ACOT13: variants seen among roughly 807,000 people sequenced by gnomAD.
ACOT13 encodes acyl-coenzyme A thioesterase 13.
Under a neutral mutation model 11.8 loss-of-function variants are expected in ACOT13, and 10 were observed. The ratio of observed to expected loss-of-function variants is 0.85; its 90% CI spans 0.53 to 1.44. The LOEUF is 1.44. Among genes scored for constraint, ACOT13 ranks in the 40% most tolerant of loss-of-function variants. ACOT13 has a pLI of 0.00. For synonymous variants in ACOT13, 53 were observed against 61.0 expected (o/e 0.87, Z 0.61); for missense variants, 172 against 174.1 (o/e 0.99, Z 0.07).
At chr6:24,670,369 T>C (rs908681131) in intron 1 of ACOT13, among the ~76,000 whole-genome samples, 9 of 152,208 alleles carry the variant, frequency 5.9e-5, no homozygotes, top group African/African-American at 2.2e-4. Context: ...TGATGTTCCA[T>C]GATAAACCAG....
chr6:24,685,763 C>T (rs1778619953), intron 1 of ACOT13, among the ~76,000 whole-genome samples: 1 of 152,170 alleles, frequency 6.6e-6, no homozygotes, highest in Non-Finnish European at 1.5e-5. Context: ...ACACTACTGG[C>T]ATCTAATGGA....
chr6:24,674,649 C>T (rs924920367), intron 1 of ACOT13, among the ~76,000 whole-genome samples: 5 of 152,132 alleles, frequency 3.3e-5, no homozygotes, highest in African/African-American at 1.2e-4. Flanking sequence ...CTCCTGACCT[C>T]AAGTGATCTG....
At chr6:24,685,435 C>T (rs1269682326) in intron 1 of ACOT13, among the ~76,000 whole-genome samples, 2 of 150,900 alleles carry the variant, frequency 1.3e-5, no homozygotes, top group Non-Finnish European at 2.9e-5. Context: ...CAAGCTCCGC[C>T]TCCCGGGTTC....
intron 1 of ACOT13, among the ~76,000 whole-genome samples, chr6:24,673,964 T>G (rs956728397): frequency 6.6e-6 from 1 of 152,238 alleles, no homozygotes; most frequent in Non-Finnish European, 1.5e-5. Flanking sequence ...CAAAAAAAAT[T>G]TGTTTTATAA....
intron 1 of ACOT13, among the ~76,000 whole-genome samples, chr6:24,677,834 G>T (rs750608832): frequency 1.1e-4 from 16 of 152,196 alleles, no homozygotes; most frequent in Non-Finnish European, 1.0e-4. Context: ...TAGGGTTTTG[G>T]GATGAGGATA....
chr6:24,669,810 A>C (rs905830855), intron 1 of ACOT13, among the ~76,000 whole-genome samples: 3 of 152,232 alleles, frequency 2.0e-5, no homozygotes, highest in Non-Finnish European at 2.9e-5. Context: ...TCTGAAGTCC[A>C]TACATCAGTA....
At chr6:24,693,535 CA>C (rs1778748497) in intron 1 of ACOT13, among the ~76,000 whole-genome samples, 2 of 152,144 alleles carry the variant, frequency 1.3e-5, no homozygotes, top group Admixed American at 6.5e-5. Flanking sequence ...TCTTGGTTCT[CA>C]GCTTCATAAA....
intron 2 of ACOT13, among the ~76,000 whole-genome samples, chr6:24,699,872 C>T (rs1057375469): frequency 2.6e-5 from 4 of 152,186 alleles, no homozygotes; most frequent in African/African-American, 9.7e-5. Context: ...TAGTTTTGGC[C>T]TTTCAAATAT....
intron 1 of ACOT13, among the ~76,000 whole-genome samples, chr6:24,680,531 AC>A (rs1778530168): frequency 6.6e-6 from 1 of 152,104 alleles, no homozygotes; most frequent in African/African-American, 2.4e-5. Context: ...AGGGTGCGTA[AC>A]CACCCATGGA....
Position 24,701,462 on chromosome 6 carries a change from C to T in ACOT13, c.270C>T (p.Tyr90=). 6.2e-7 allele frequency: 1 copy of T among 1,605,886 alleles called. No homozygotes were observed. Among genetic ancestry groups the T allele is most frequent in the African/African-American group, 1.3e-5 (1 of 74,702 alleles). The change falls in exon 3 of 3, where the codon TAC becomes TAT. Residue 90 remains tyrosine (Y), a synonymous_variant. Transcript: ENST00000230048. ...ACTATATTCATTTTCTTTCAAGGTA[C>T]ATGTCACCTGCAAAATTAGGAGAAG... ...PGVSVDMNIT[Y]MSPAKLGEDI...
chr6:24,682,385 T>G (rs1419503618), intron 1 of ACOT13, among the ~76,000 whole-genome samples: 1 of 152,176 alleles, frequency 6.6e-6, no homozygotes, highest in Non-Finnish European at 1.5e-5. Flanking sequence ...GTGGCAAGCC[T>G]CGTGTTCTCT....
chr6:24,698,257 T>C (rs1778831570), intron 2 of ACOT13, among the ~76,000 whole-genome samples, 190 bp downstream of exon 2: 1 of 152,224 alleles, frequency 6.6e-6, no homozygotes, highest in Admixed American at 6.5e-5. Context: ...AATTTGCAAG[T>C]ACAGTGTGTA....
chr6:24,668,573 A>G (rs760190309), intron 1 of ACOT13, among the ~76,000 whole-genome samples: 4 of 152,174 alleles, frequency 2.6e-5, no homozygotes, highest in East Asian at 1.9e-4. Flanking sequence ...TGGGGTGTGG[A>G]GCAGCAGCTC....
At chr6:24,667,606 G>A (rs1175681195) in intron 1 of ACOT13, among the ~76,000 whole-genome samples, 3 of 152,244 alleles carry the variant, frequency 2.0e-5, no homozygotes, top group African/African-American at 7.2e-5. Flanking sequence ...GGACTTTGGA[G>A]TTTGATCCTT....
intron 1 of ACOT13, among the ~76,000 whole-genome samples, chr6:24,668,039 G>A (rs896911950): frequency 6.6e-6 from 1 of 152,094 alleles, no homozygotes; most frequent in Admixed American, 6.5e-5. Context: ...CTCCCGAGTG[G>A]CTGGGATTAC....
At chr6:24,701,383 G>C in intron 2 of ACOT13, 76 bp from the exon 3 acceptor site, 5 of 1,333,950 alleles carry the variant, frequency 3.7e-6, no homozygotes, top group Non-Finnish European at 4.1e-6. Context: ...AGTTACATAG[G>C]AACACTGTTG....
intron 1 of ACOT13, among the ~76,000 whole-genome samples, chr6:24,676,649 A>G (rs1044336027): frequency 1.6e-4 from 25 of 152,170 alleles, no homozygotes; most frequent in Non-Finnish European, 2.4e-4. Context: ...TTCTAAATAT[A>G]CAATCATGTC....
chr6:24,677,327 ATAT>A (rs1778471144), intron 1 of ACOT13, among the ~76,000 whole-genome samples: 1 of 152,238 alleles, frequency 6.6e-6, no homozygotes, highest in Admixed American at 6.5e-5. Flanking sequence ...ATAGAGCCTG[ATAT>A]TTAAGTAAAC....
intron 1 of ACOT13, among the ~76,000 whole-genome samples, chr6:24,673,733 T>C (rs779532884): frequency 2.0e-5 from 3 of 152,222 alleles, no homozygotes; most frequent in Admixed American, 6.5e-5. Context: ...AATAATTTCG[T>C]GTATATGTGT....
Sources: allele counts gnomAD v4.1 joint callset (sites outside exome capture counted in the v4.1 genomes callset), GRCh38; gene constraint gnomAD v4.1.1; transcripts MANE v1.5; gene names NCBI Gene and HGNC (gene_info 2026-07-23, HGNC 2026-07-21).